The following APLF variants were observed in gnomAD, a reference collection of about 807,000 sequenced individuals.
APLF encodes the protein aprataxin and PNK-like factor.
In APLF, 61 loss-of-function variants were observed where a neutral mutation model predicts 55.6. The observed-to-expected ratio is 1.10, with a 90% CI of 0.89 to 1.36. APLF has a LOEUF of 1.36. Ranked by LOEUF, APLF falls within the 40% of genes most tolerant of loss-of-function variation. APLF has a pLI of 0.00. For missense variants in APLF, 611 were observed against 602.5 expected, an observed-to-expected ratio of 1.01 and a Z score of -0.15; for synonymous variants, 207 against 214.8, an observed-to-expected ratio of 0.96 and a Z score of 0.32.
chr2:68,573,486 A>G (rs1346443736), intron 9 of APLF, among the ~76,000 whole-genome samples: 1 of 152,158 alleles, frequency 6.6e-6, no homozygotes, highest in Middle Eastern at 3.2e-3. Context: ...CAGCCTGACC[A>G]AAATGGTGGA....
chr2:68,523,808 C>T (rs2103978132), intron 5 of APLF, among the ~76,000 whole-genome samples: 1 of 151,196 alleles, frequency 6.6e-6, no homozygotes, highest in Non-Finnish European at 1.5e-5. Flanking sequence ...ATTTGCCATA[C>T]CAGATATAAA....
chr2:68,495,933 A>C (rs770037444), intron 2 of APLF, among the ~76,000 whole-genome samples: 8 of 152,224 alleles, frequency 5.3e-5, no homozygotes, highest in African/African-American at 1.9e-4. Flanking sequence ...TATGGATAGC[A>C]CTGTCCCAAG....
At chr2:68,555,375 C>A (rs1670976437) in intron 8 of APLF, among the ~76,000 whole-genome samples, 1 of 152,134 alleles carries the variant, frequency 6.6e-6, no homozygotes, top group Non-Finnish European at 1.5e-5. Flanking sequence ...AAACAGACAA[C>A]CCACAGAGTG....
chr2:68,561,881 A>T (rs1671175335), intron 8 of APLF, among the ~76,000 whole-genome samples: 1 of 152,098 alleles, frequency 6.6e-6, no homozygotes, highest in African/African-American at 2.4e-5. Flanking sequence ...AAGTGTTAGC[A>T]TTAACTCGAG....
intron 7 of APLF, among the ~76,000 whole-genome samples, chr2:68,544,485 T>A (rs989663164): frequency 6.6e-6 from 1 of 152,146 alleles, no homozygotes; most frequent in African/African-American, 2.4e-5. Context: ...AAACAATAAT[T>A]TTTTCTTGGA....
At chr2:68,512,543 G>A (rs1000534199) in intron 3 of APLF, among the ~76,000 whole-genome samples, 3 of 151,822 alleles carry the variant, frequency 2.0e-5, no homozygotes, top group African/African-American at 7.2e-5. Flanking sequence ...CTGCTGGCAT[G>A]TCCCACATGT....
chr2:68,537,413 G>C (rs1463648240), intron 6 of APLF, among the ~76,000 whole-genome samples: 2 of 151,208 alleles, frequency 1.3e-5, no homozygotes, highest in East Asian at 1.9e-4. Flanking sequence ...TGTTGCCCAG[G>C]CTGGAGTGCA....
At chr2:68,556,417 A>C (rs1431499882) in intron 8 of APLF, among the ~76,000 whole-genome samples, 3 of 152,166 alleles carry the variant, frequency 2.0e-5, no homozygotes, top group Non-Finnish European at 4.4e-5. Flanking sequence ...TGTGCTGTCC[A>C]CTGCTGTTTA....
intron 6 of APLF, among the ~76,000 whole-genome samples, chr2:68,537,116 T>G (rs1043791590): frequency 6.7e-6 from 1 of 149,652 alleles, no homozygotes; most frequent in Non-Finnish European, 1.5e-5. Context: ...AGTGAGCAGA[T>G]ATCGTGCCAC....
chr2:68,572,450 A>G (rs916915872), intron 9 of APLF, among the ~76,000 whole-genome samples: 2 of 152,234 alleles, frequency 1.3e-5, no homozygotes, highest in Middle Eastern at 3.2e-3. Context: ...AAAGTAAAAG[A>G]AAAGAAAACA....
At chr2:68,478,271 A>G (rs536972116) in intron 1 of APLF, among the ~76,000 whole-genome samples, 1 of 152,340 alleles carries the variant, frequency 6.6e-6, no homozygotes, top group East Asian at 1.9e-4. Context: ...ATAAATGAAT[A>G]CAGCATATGG....
At chr2:68,546,328 C>G (rs1670703457) in intron 8 of APLF, among the ~76,000 whole-genome samples, 1 of 151,910 alleles carries the variant, frequency 6.6e-6, no homozygotes, top group Admixed American at 6.6e-5. Context: ...ATGGCAGGTT[C>G]TAACAAACAT....
intron 8 of APLF, among the ~76,000 whole-genome samples, chr2:68,556,372 A>G (rs1266497446): frequency 6.6e-6 from 1 of 152,156 alleles, no homozygotes; most frequent in Non-Finnish European, 1.5e-5. Flanking sequence ...TTTAATAAAA[A>G]AAGGTATCTT....
At chr2:68,467,965 G>C (rs1235052516) in intron 1 of APLF, 138 bp downstream of exon 1, 15 of 537,928 alleles carry the variant, frequency 2.8e-5, no homozygotes, top group Non-Finnish European at 2.5e-5. Context: ...GGGGCCGCAC[G>C]TTTTTCAGTT....
rs1671717168 is a variant in APLF, at chr2:68,579,546, T to A, written c.*1524T>A. On this transcript the variant is annotated 3_prime_UTR_variant, in exon 10 of 10. Coordinates refer to ENST00000303795, the MANE Select transcript of APLF (RefSeq NM_173545.3). ...AAAAAGTATAAACACCCAAAGTCTATCAACTATCAACTGGGTGAATGGATA... is the reference window on the plus strand; with the variant it reads ...AAAAAGTATAAACACCCAAAGTCTAACAACTATCAACTGGGTGAATGGATA... 3.8e-6 allele frequency: 1 copy of A among 262,186 alleles called. No homozygotes were observed. Among genetic ancestry groups the A allele is most frequent in the African/African-American group, 3.0e-5 (1 of 33,512 alleles). The allele number at this position is 262,186 out of a possible 1,614,324, so 16.2% of individuals were successfully genotyped here.
intron 1 of APLF, among the ~76,000 whole-genome samples, chr2:68,486,621 T>C (rs186626306): frequency 3.4e-4 from 52 of 152,288 alleles, no homozygotes; most frequent in Admixed American, 1.2e-3. Context: ...TTCTCATCTC[T>C]CTTACATGTA....
chr2:68,484,807 G>C (rs1006289496), intron 1 of APLF, among the ~76,000 whole-genome samples: 1 of 151,858 alleles, frequency 6.6e-6, no homozygotes, highest in African/African-American at 2.4e-5. Context: ...GACCAGCCTG[G>C]CCAAAATGGC....
intron 8 of APLF, among the ~76,000 whole-genome samples, chr2:68,549,718 G>T (rs1026073187): frequency 6.6e-6 from 1 of 152,050 alleles, no homozygotes; most frequent in African/African-American, 2.4e-5. Flanking sequence ...TTTTCCTGTG[G>T]TGGTTCTACT....
chr2:68,485,314 A>G (rs1223857847), intron 1 of APLF, among the ~76,000 whole-genome samples: 1 of 152,120 alleles, frequency 6.6e-6, no homozygotes, highest in African/African-American at 2.4e-5. Context: ...TTATTCCTAG[A>G]GTGTCCCACA....
Sources: gnomAD v4.1 joint callset for allele counts (sites outside exome capture counted in the v4.1 genomes callset) on GRCh38, gnomAD v4.1.1 for gene constraint, MANE v1.5 for transcripts, NCBI Gene and HGNC (gene_info 2026-07-23, HGNC 2026-07-21) for gene names.